The following AGO3 variants were observed in gnomAD, a reference collection of about 807,000 sequenced individuals.
The protein encoded by AGO3 is protein argonaute-3.
AGO3 carries 16 observed loss-of-function variants against 105.5 expected under a neutral mutation model. That is an observed-to-expected ratio of 0.15 (90% CI 0.10 to 0.23). The LOEUF (loss-of-function observed/expected upper bound fraction) is 0.23, where lower values mean the gene tolerates loss of function less well. Among genes scored for constraint, AGO3 ranks in the 10% least tolerant of loss-of-function variants. The pLI is 1.00. For synonymous variants in AGO3, 340 were observed against 367.3 expected (o/e 0.93, Z 0.85); for missense variants, 534 against 1,088.0 (o/e 0.49, Z 7.16).
At chr1:36,022,304 T>A (rs1279391573) in intron 11 of AGO3, among the ~76,000 whole-genome samples, 3 of 152,082 alleles carry the variant, frequency 2.0e-5, no homozygotes, top group Non-Finnish European at 4.4e-5. Context: ...TGGACTCAAG[T>A]GATCCTCCTG....
chr1:36,004,767 T>C (rs1640261585), intron 6 of AGO3, among the ~76,000 whole-genome samples: 2 of 152,144 alleles, frequency 1.3e-5, no homozygotes, highest in South Asian at 4.1e-4. Flanking sequence ...TTAGTAATAC[T>C]GTTAAAAGTA....
At chr1:36,010,918 AGAG>A (rs1362997334) in intron 9 of AGO3, among the ~76,000 whole-genome samples, 3 of 140,896 alleles carry the variant, frequency 2.1e-5, no homozygotes, top group East Asian at 4.9e-4. Flanking sequence ...AAAAAAAAAA[AGAG>A]AGAGAGAGAG....
chr1:36,003,709 A>AT lies in AGO3; in HGVS notation c.659-632_659-631insT, dbSNP rs1553165851. On this transcript the variant is annotated intron_variant, in intron 5 of 18. Coordinates refer to ENST00000373191, the MANE Select transcript of AGO3 (RefSeq NM_024852.4). Reference sequence around the variant, plus strand: ...AAGTCTGTCTCAAAAAAAAAAAAAAAATATATATATATATATATATATATA... The same window carrying AT: ...AAGTCTGTCTCAAAAAAAAAAAAAAATATATATATATATATATATATATATA... 3.2e-3 allele frequency among the ~76,000 whole-genome samples: 318 copies of AT among 99,396 alleles called. 3 individuals are homozygous for AT. The highest frequency in any genetic ancestry group is 4.6e-3 in the Non-Finnish European group (236 of 51,762). 65.2% of individuals were successfully genotyped at this position (99,396 alleles called of 152,430 possible). A position where few individuals can be genotyped will look rare whatever the true frequency, so the allele number is the denominator to read the frequency against.
intron 5 of AGO3, among the ~76,000 whole-genome samples, chr1:35,982,447 GCATT>G (rs1258914454): frequency 1.3e-5 from 2 of 152,052 alleles, no homozygotes; most frequent in Admixed American, 6.6e-5. Flanking sequence ...AGTGACATAA[GCATT>G]CATTCTCAAC....
chr1:35,961,963 C>A (rs1171534367), intron 2 of AGO3, among the ~76,000 whole-genome samples: 1 of 151,958 alleles, frequency 6.6e-6, no homozygotes, highest in Non-Finnish European at 1.5e-5. Flanking sequence ...TTACAGTTAC[C>A]CTTATTATGT....
At chr1:36,004,526 A>G in intron 6 of AGO3, 51 bp downstream of exon 6, 2 of 1,448,478 alleles carry the variant, frequency 1.4e-6, no homozygotes, top group East Asian at 2.4e-5. Context: ...CATGGATATA[A>G]CAACCTTTTA....
chr1:36,044,588 C>G (rs1642386261), intron 17 of AGO3, among the ~76,000 whole-genome samples: 1 of 151,804 alleles, frequency 6.6e-6, no homozygotes, highest in Non-Finnish European at 1.5e-5. Context: ...TGGGTGCCAC[C>G]ACACCCAGTA....
chr1:36,054,853 G>A, intron 17 of AGO3, 93 bp from the exon 18 acceptor site: 1 of 1,254,306 alleles, frequency 8.0e-7, no homozygotes, highest in Non-Finnish European at 1.1e-6. Context: ...TTGCACTTCA[G>A]CCTGGGTGAC....
At chr1:35,958,359 C>T (rs1185630927) in intron 2 of AGO3, among the ~76,000 whole-genome samples, 4 of 151,456 alleles carry the variant, frequency 2.6e-5, no homozygotes, top group African/African-American at 4.9e-5. Context: ...CCAGTCTAGG[C>T]GACAGAATAA....
At chr1:35,975,143 A>G (rs753535787) in intron 5 of AGO3, among the ~76,000 whole-genome samples, 1 of 152,182 alleles carries the variant, frequency 6.6e-6, no homozygotes, top group African/African-American at 2.4e-5. Flanking sequence ...GGGCAAATGT[A>G]TTAATATTTG....
intron 3 of AGO3, among the ~76,000 whole-genome samples, chr1:35,971,689 T>C (rs953134552): frequency 6.6e-6 from 1 of 152,162 alleles, no homozygotes; most frequent in African/African-American, 2.4e-5. Flanking sequence ...AAAGATGTCA[T>C]AATATTTGTA....
intron 5 of AGO3, among the ~76,000 whole-genome samples, chr1:36,003,010 G>A (rs1277669297): frequency 6.6e-6 from 1 of 152,028 alleles, no homozygotes; most frequent in Non-Finnish European, 1.5e-5. Context: ...GGGGGAGGTT[G>A]CAGTGAGCCG....
chr1:35,991,252 G>A (rs1372281011), intron 5 of AGO3, among the ~76,000 whole-genome samples: 5 of 152,020 alleles, frequency 3.3e-5, no homozygotes, highest in South Asian at 2.1e-4. Flanking sequence ...CCAAGATCGC[G>A]CCACTGCACC....
chr1:35,940,376 T>A (rs898281793), intron 1 of AGO3, among the ~76,000 whole-genome samples: 2 of 152,146 alleles, frequency 1.3e-5, no homozygotes, highest in Admixed American at 1.3e-4. Flanking sequence ...CTAAAAAAAA[T>A]TTTTGATTCA....
At chr1:36,052,097 AAGAAGATATCTG>A (rs1642739004) in intron 17 of AGO3, among the ~76,000 whole-genome samples, 1 of 152,220 alleles carries the variant, frequency 6.6e-6, no homozygotes, top group South Asian at 2.1e-4. Flanking sequence ...ACAGTGTGTC[AAGAAGATATCTG>A]CATCCCCATG....
At chr1:35,934,843 G>T (rs1361112527) in intron 1 of AGO3, among the ~76,000 whole-genome samples, 2 of 152,134 alleles carry the variant, frequency 1.3e-5, no homozygotes, top group South Asian at 2.1e-4. Context: ...GTAGAGACGG[G>T]GTTTCACCAT....
intron 11 of AGO3, among the ~76,000 whole-genome samples, chr1:36,026,608 CTCTT>C (rs1641517052): frequency 6.6e-6 from 1 of 152,174 alleles, no homozygotes; most frequent in Admixed American, 6.6e-5. Context: ...CCTGCCGTGC[CTCTT>C]TCTTATGAAT....
Position 36,062,489 on chromosome 1 carries a change from T to C in AGO3, c.*6744T>C, listed in dbSNP as rs1226174845. 2 of 152,192 alleles carry C rather than the reference T, an allele frequency of 1.3e-5. No homozygotes were observed. Among genetic ancestry groups the C allele is most frequent in the African/African-American group, 4.8e-5 (2 of 41,450 alleles). The allele number at this position is 152,192 out of a possible 1,614,324, so 9.4% of individuals were successfully genotyped here. A position where few individuals can be genotyped will look rare whatever the true frequency, so the allele number is the denominator to read the frequency against. The stretch of plus-strand genomic sequence containing the variant: ...AAATGATTTTTTATTTTTTCTAGGA[T>C]GCAGGAACTATGAAAAATGATGACA... On this transcript the variant is annotated 3_prime_UTR_variant, in exon 19 of 19. Coordinates refer to ENST00000373191, the MANE Select transcript of AGO3 (RefSeq NM_024852.4).
At chr1:35,988,067 CAAA>C (rs1369317957) in intron 5 of AGO3, among the ~76,000 whole-genome samples, 2 of 150,192 alleles carry the variant, frequency 1.3e-5, no homozygotes, top group African/African-American at 4.9e-5. Context: ...GACTCTGTCT[CAAA>C]GAAGAAAAAA....
Sources: allele counts gnomAD v4.1 joint callset (sites outside exome capture counted in the v4.1 genomes callset), GRCh38; gene constraint gnomAD v4.1.1; transcripts MANE v1.5; gene names NCBI Gene and HGNC (gene_info 2026-07-23, HGNC 2026-07-21).